The following FREM2 variants were observed in gnomAD, a reference collection of about 807,000 sequenced individuals.
FREM2 encodes FRAS1-related extracellular matrix protein 2.
A neutral mutation model predicts 219.9 loss-of-function variants in FREM2; 119 were observed. The observed-to-expected ratio is 0.54, with a 90% CI of 0.47 to 0.63. The LOEUF is 0.63. FREM2 is among the 30% of genes least tolerant of loss of function. The pLI is 0.00. For synonymous variants in FREM2, 1,562 were observed against 1,522.8 expected (o/e 1.03, Z -0.60); for missense variants, 4,030 against 3,993.6 (o/e 1.01, Z -0.25).
Position 38,691,534 on chromosome 13 carries a change from A to G in FREM2, c.4190A>G (p.Asp1397Gly). The change falls in exon 1 of 24, where the codon GAT (aspartate) becomes GGT (glycine). Residue 1397 changes from aspartate to glycine, a missense_variant. Physicochemically the swap from Asp to Gly is moderately conservative, Grantham distance 94. Transcript: ENST00000280481. ...QEGIRDLIKF[D>G]VTDGINPLID... ...GGCATTCGGGACCTAATTAAATTTG[A>G]TGTGACTGATGGAATAAATCCCCTC... 4 of 1,614,134 alleles carry G rather than the reference A, an allele frequency of 2.5e-6. No individual in the cohort carries two copies. The highest frequency in any genetic ancestry group is 3.4e-6 in the Non-Finnish European group (4 of 1,180,038).
chr13:38,712,088 T>C (rs1048239877), intron 2 of FREM2, among the ~76,000 whole-genome samples: 2 of 151,702 alleles, frequency 1.3e-5, no homozygotes, highest in African/African-American at 4.8e-5. Context: ...CCCCAGCTAA[T>C]TTTTGTAATT....
chr13:38,811,478 A>G (rs900274586), intron 6 of FREM2, among the ~76,000 whole-genome samples: 1 of 151,968 alleles, frequency 6.6e-6, no homozygotes, highest in African/African-American at 2.4e-5. Flanking sequence ...GCTGTATCCC[A>G]TAGGTTTTGG....
intron 6 of FREM2, among the ~76,000 whole-genome samples, chr13:38,808,907 G>A (rs1184512158): frequency 6.6e-6 from 1 of 151,918 alleles, no homozygotes; most frequent in East Asian, 2.0e-4. Context: ...AACAAAATCT[G>A]TGAAGAACAA....
intron 3 of FREM2, among the ~76,000 whole-genome samples, chr13:38,764,989 C>A (rs568187813): frequency 5.4e-4 from 83 of 152,296 alleles, no homozygotes; most frequent in African/African-American, 1.9e-3. Flanking sequence ...CAGCTCACTG[C>A]AAGCTCCGCC....
Position 38,884,887 on chromosome 13 carries a change from A to G in FREM2, c.*4100A>G, listed in dbSNP as rs1163301738. The G allele has an allele frequency of 6.6e-6, 1 of 152,226 alleles. No homozygotes were observed. The allele number at this position is 152,226 out of a possible 1,614,324, so 9.4% of individuals were successfully genotyped here. A position where few individuals can be genotyped will look rare whatever the true frequency, so the allele number is the denominator to read the frequency against. ...TTATATGAAGTTTTACAAAAAGGTC[A>G]ACAGAAAGCTCATTTGTGAAAACAT... On this transcript the variant is annotated 3_prime_UTR_variant, in exon 24 of 24. Coordinates refer to ENST00000280481, the MANE Select transcript of FREM2 (RefSeq NM_207361.6).
intron 2 of FREM2, among the ~76,000 whole-genome samples, chr13:38,733,372 T>G (rs1388700156): frequency 6.7e-6 from 1 of 150,276 alleles, no homozygotes; most frequent in Non-Finnish European, 1.5e-5. Context: ...TGAGGGATCA[T>G]AGAAAAGCTC....
At chr13:38,704,700 G>GT (rs1870471502) in intron 2 of FREM2, among the ~76,000 whole-genome samples, 1 of 152,170 alleles carries the variant, frequency 6.6e-6, no homozygotes, top group Admixed American at 6.6e-5. Context: ...GTATTAGTCA[G>GT]TTTTCACAGT....
intron 6 of FREM2, among the ~76,000 whole-genome samples, chr13:38,819,157 G>T (rs569679902): frequency 2.0e-5 from 3 of 152,094 alleles, no homozygotes; most frequent in African/African-American, 7.2e-5. Context: ...GACTCAACCT[G>T]TTATGGCCAG....
intron 2 of FREM2, among the ~76,000 whole-genome samples, chr13:38,748,870 G>A (rs1872587835): frequency 6.6e-6 from 1 of 152,160 alleles, no homozygotes; most frequent in African/African-American, 2.4e-5. Context: ...GGAAAGGAAG[G>A]CATTTTTGTT....
rs142053200 is a variant in FREM2, at chr13:38,737,274, C to T, written c.5264-27030C>T. 3.8e-4 allele frequency among the ~76,000 whole-genome samples: 58 copies of T among 152,292 alleles called. No homozygotes were observed. In the East Asian group the frequency reaches 5.8e-3, roughly 15 times the overall value. On this transcript the variant is annotated intron_variant, in intron 2 of 23. Coordinates refer to ENST00000280481, the MANE Select transcript of FREM2 (RefSeq NM_207361.6). ...GATTTAGCTTTTGAACCATCAGGAA[C>T]CGAAGAAGGTCTCTAAGCTTTTGTC...
chr13:38,866,615 C>T (rs531528114), intron 16 of FREM2, among the ~76,000 whole-genome samples: 7 of 149,724 alleles, frequency 4.7e-5, no homozygotes, highest in South Asian at 2.1e-4. Context: ...TGTGGTGAGC[C>T]GAGATCGCGC....
At position 38,692,523 on chromosome 13, in the gene FREM2, T is replaced by G; in HGVS notation, c.5173+6T>G. 1 of 1,607,730 alleles carries G rather than the reference T, an allele frequency of 6.2e-7. No homozygotes were observed. The highest frequency in any genetic ancestry group is 1.1e-5 in the South Asian group (1 of 91,090). On this transcript the variant is annotated splice_donor_region_variant and intron_variant, in intron 1 of 23. Coordinates refer to ENST00000280481, the MANE Select transcript of FREM2 (RefSeq NM_207361.6). ...CATCACTCAGTTCACACAAGGTATG[T>G]TTCATGTTTCTTTTCTTGGTTATCC...
At chr13:38,832,514 T>G (rs936564448) in intron 6 of FREM2, among the ~76,000 whole-genome samples, 1 of 152,074 alleles carries the variant, frequency 6.6e-6, no homozygotes, top group African/African-American at 2.4e-5. Context: ...CAGTTAGTGG[T>G]TTAACATACA....
chr13:38,874,377 A>G (rs1004445777), intron 17 of FREM2, 105 bp from the exon 18 acceptor site: 1 of 854,088 alleles, frequency 1.2e-6, no homozygotes, highest in Middle Eastern at 2.4e-4. Flanking sequence ...CTTTGCCCAG[A>G]ATGTTTAAAG....
intron 2 of FREM2, among the ~76,000 whole-genome samples, chr13:38,751,930 C>G (rs1872791788): frequency 6.6e-6 from 1 of 150,552 alleles, no homozygotes; most frequent in East Asian, 2.0e-4. Flanking sequence ...ACAAAATGAA[C>G]AGCTTTTATA....
At chr13:38,767,041 C>T (rs896292349) in intron 3 of FREM2, among the ~76,000 whole-genome samples, 3 of 152,196 alleles carry the variant, frequency 2.0e-5, no homozygotes, top group South Asian at 2.1e-4. Flanking sequence ...AATAGAGAGG[C>T]TGTGACATGT....
At position 38,885,661 on chromosome 13, in the gene FREM2, C is replaced by CA. The variant is rs1878701411; in HGVS notation, c.*4875dup. The CA allele has an allele frequency of 6.6e-6, 1 of 152,122 alleles. No homozygotes were observed. The highest frequency in any genetic ancestry group is 6.6e-5 in the Admixed American group (1 of 15,266). 9.4% of individuals were successfully genotyped at this position (152,122 alleles called of 1,614,324 possible). A position where few individuals can be genotyped will look rare whatever the true frequency, so the allele number is the denominator to read the frequency against. On this transcript the variant is annotated 3_prime_UTR_variant, in exon 24 of 24. Coordinates refer to ENST00000280481, the MANE Select transcript of FREM2 (RefSeq NM_207361.6). ...CTGGTAAGTCCACACAGCATTTGTG[C>CA]AGTATCCCTTCTGTGTAAAATGTTA...
In FREM2 at chr13:38,828,574, G is replaced by C. The variant is rs922218970; in HGVS notation, c.6020-17999G>C. Reference sequence around the variant, plus strand: ...ATAAAAAGTAAAATTAGCCTGGTATGGTGTTGTGTACCTGTAATCCTACCT... The same window carrying C: ...ATAAAAAGTAAAATTAGCCTGGTATCGTGTTGTGTACCTGTAATCCTACCT... On this transcript the variant is annotated intron_variant, in intron 6 of 23. Transcript: ENST00000280481. 7.9e-5 allele frequency among the ~76,000 whole-genome samples: 12 copies of C among 151,948 alleles called. No homozygotes were observed. The East Asian group carries it at 1.2e-3, about 15-fold the overall frequency.
chr13:38,859,700 TG>T, intron 14 of FREM2, 110 bp downstream of exon 14: 1 of 1,059,260 alleles, frequency 9.4e-7, no homozygotes, highest in Non-Finnish European at 1.4e-6. Context: ...CCATATATTT[TG>T]TAAGTAGTGA....
Sources: allele counts gnomAD v4.1 joint callset (sites outside exome capture counted in the v4.1 genomes callset), GRCh38; gene constraint gnomAD v4.1.1; transcripts MANE v1.5; gene names NCBI Gene and HGNC (gene_info 2026-07-23, HGNC 2026-07-21).